The following UGT2B4 variants were observed in gnomAD, a reference collection of about 807,000 sequenced individuals.
The protein encoded by UGT2B4 is UDP glucuronosyltransferase family 2 member B4, also known as UDP-glucuronosyltransferase 2B4.
A neutral mutation model predicts 49.8 loss-of-function variants in UGT2B4; 49 were observed. That is an observed-to-expected ratio of 0.98 (90% CI 0.78 to 1.25). UGT2B4 has a LOEUF of 1.25. UGT2B4 is among the 50% of genes most tolerant of loss of function. UGT2B4 has a pLI of 0.00. For synonymous variants in UGT2B4, 246 were observed against 217.7 expected (o/e 1.13, Z -1.14); for missense variants, 729 against 627.7 (o/e 1.16, Z -1.73).
At chr4:69,505,393 TAAAAA>T (rs902615708) in intron 1 of UGT2B4, among the ~76,000 whole-genome samples, 1 of 151,398 alleles carries the variant, frequency 6.6e-6, no homozygotes, top group Non-Finnish European at 1.5e-5. Flanking sequence ...ACCAAACAGA[TAAAAA>T]ACAGAAAAAA....
chr4:69,511,523 C>T (rs1728602767), intron 1 of UGT2B4, among the ~76,000 whole-genome samples: 1 of 152,028 alleles, frequency 6.6e-6, no homozygotes, highest in South Asian at 2.1e-4. Flanking sequence ...ATGAATGAAC[C>T]TCTTAATATG....
intron 1 of UGT2B4, chr4:69,525,598 T>C (rs1006673128): frequency 5.6e-6 from 4 of 714,374 alleles, no homozygotes; most frequent in Non-Finnish European, 7.3e-6. Flanking sequence ...TTTCAAGATA[T>C]GGGTTAGACA....
intron 1 of UGT2B4, among the ~76,000 whole-genome samples, chr4:69,525,231 G>A (rs1331494221): frequency 6.6e-6 from 1 of 152,166 alleles, no homozygotes; most frequent in Non-Finnish European, 1.5e-5. Flanking sequence ...GAGCTCACAT[G>A]TAGGAAAAAT....
intron 1 of UGT2B4, among the ~76,000 whole-genome samples, chr4:69,501,423 C>T (rs948801298): frequency 3.3e-5 from 5 of 152,094 alleles, no homozygotes; most frequent in Admixed American, 2.6e-4. Context: ...TTGAAAACAC[C>T]CTGGGAGAGG....
intron 2 of UGT2B4, 150 bp from the exon 3 acceptor site, chr4:69,489,720 T>G: frequency 8.5e-7 from 1 of 1,170,894 alleles, no homozygotes. Flanking sequence ...ACTCAGTTTT[T>G]TTTGCAATAT....
intron 1 of UGT2B4, among the ~76,000 whole-genome samples, chr4:69,506,803 A>C (rs1056216209): frequency 2.0e-5 from 3 of 152,276 alleles, no homozygotes; most frequent in Admixed American, 6.5e-5. Flanking sequence ...TCCTTGGTAA[A>C]CCTCAATACA....
chr4:69,481,091 GAAAAAAAAAAAAAAAAA>G (rs57494102), intron 5 of UGT2B4, among the ~76,000 whole-genome samples, 181 bp from the exon 6 acceptor site: 1 of 67,824 alleles, frequency 1.5e-5, no homozygotes, highest in African/African-American at 5.9e-5. Flanking sequence ...GTAAAAATAT[GAAAAAAAAAAAAAAAAA>G]AAAAAAAAAG....
chr4:69,519,252 T>C (rs1228334857), intron 1 of UGT2B4, among the ~76,000 whole-genome samples: 2 of 152,162 alleles, frequency 1.3e-5, no homozygotes, highest in Non-Finnish European at 2.9e-5. Flanking sequence ...AGCCATGAAT[T>C]GGCATATAAA....
intron 1 of UGT2B4, among the ~76,000 whole-genome samples, chr4:69,520,787 C>A (rs1167480417): frequency 6.6e-6 from 1 of 152,122 alleles, no homozygotes; most frequent in Non-Finnish European, 1.5e-5. Flanking sequence ...GTATTAACAG[C>A]CTGAGTGCCA....
chr4:69,491,180 T>C (rs952558544), intron 2 of UGT2B4, among the ~76,000 whole-genome samples: 11 of 145,766 alleles, frequency 7.5e-5, no homozygotes, highest in African/African-American at 2.2e-4. Context: ...TATATACCTT[T>C]TCCTCCTACA....
chr4:69,518,386 C>T (rs1281314191), intron 1 of UGT2B4: 1 of 152,224 alleles, frequency 6.6e-6, no homozygotes, highest in African/African-American at 2.4e-5. Context: ...TGAAAACCCA[C>T]TTCTCAGACA....
In UGT2B4 at chr4:69,493,880, G is replaced by C. The variant is rs774206926; in HGVS notation, c.722-39C>G. 39 of 1,565,824 alleles carry C rather than the reference G, an allele frequency of 2.5e-5. No homozygotes were observed. In the East Asian group the frequency reaches 5.4e-4, roughly 22 times the overall value. On this transcript the variant is annotated intron_variant, in intron 1 of 5. Transcript: ENST00000305107. ...AAAAAAGAAAAGATAGATGACACAAGATAATTAAACTAGGTAATTTTCTGA... is the reference window on the plus strand; with the variant it reads ...AAAAAAGAAAAGATAGATGACACAACATAATTAAACTAGGTAATTTTCTGA...
chr4:69,517,133 A>G (rs934480776), intron 1 of UGT2B4, among the ~76,000 whole-genome samples: 1 of 152,148 alleles, frequency 6.6e-6, no homozygotes, highest in African/African-American at 2.4e-5. Context: ...AAGAAGAAAA[A>G]TGTGTACATC....
At chr4:69,481,142 G>A (rs1308995059) in intron 5 of UGT2B4, among the ~76,000 whole-genome samples, 1 of 148,648 alleles carries the variant, frequency 6.7e-6, no homozygotes, top group African/African-American at 2.5e-5. Context: ...GGTGGCATGT[G>A]CCTGTAGTCC....
intron 1 of UGT2B4, among the ~76,000 whole-genome samples, chr4:69,514,500 T>C (rs1463367476): frequency 6.6e-6 from 1 of 152,172 alleles, no homozygotes; most frequent in African/African-American, 2.4e-5. Context: ...TACTATGTTG[T>C]ATAGGAGTGG....
chr4:69,489,304 G>A, intron 3 of UGT2B4, 135 bp downstream of exon 3: 1 of 1,219,510 alleles, frequency 8.2e-7, no homozygotes. Context: ...TTTTGATTTT[G>A]AATTAATATC....
At chr4:69,511,845 G>T (rs1224336113) in intron 1 of UGT2B4, among the ~76,000 whole-genome samples, 1 of 151,972 alleles carries the variant, frequency 6.6e-6, no homozygotes, top group Non-Finnish European at 1.5e-5. Flanking sequence ...ATTCATTATT[G>T]TTAGGTTCTG....
chr4:69,493,005 A>C (rs1728036368), intron 2 of UGT2B4, among the ~76,000 whole-genome samples: 1 of 152,098 alleles, frequency 6.6e-6, no homozygotes, highest in African/African-American at 2.4e-5. Flanking sequence ...AATGTGCTTA[A>C]TAAATATTTC....
At chr4:69,486,797 T>TA (rs1430036006) in intron 3 of UGT2B4, 101 bp from the exon 4 acceptor site, 220 of 869,434 alleles carry the variant, frequency 2.5e-4, no homozygotes, top group Non-Finnish European at 3.1e-4. Flanking sequence ...CAAGGGATGT[T>TA]AAGTAACAAG....
Sources: allele counts gnomAD v4.1 joint callset (sites outside exome capture counted in the v4.1 genomes callset), GRCh38; gene constraint gnomAD v4.1.1; transcripts MANE v1.5; gene names NCBI Gene and HGNC (gene_info 2026-07-23, HGNC 2026-07-21).